Variants in ADA2 observed in about 807,000 individuals in gnomAD.
ADA2 encodes adenosine deaminase CECR1.
ADA2 carries 29 observed loss-of-function variants against 44.2 expected under a neutral mutation model. The ratio of observed to expected loss-of-function variants is 0.66; its 90% CI spans 0.49 to 0.89. ADA2 has a LOEUF of 0.89. Among genes scored for constraint, ADA2 ranks in the 40% least tolerant of loss-of-function variants. The pLI, the probability that ADA2 is intolerant of heterozygous loss-of-function variation, is 0.00. For missense variants in ADA2, 637 were observed against 644.8 expected, an observed-to-expected ratio of 0.99 and a Z score of 0.13; for synonymous variants, 215 against 234.9, an observed-to-expected ratio of 0.92 and a Z score of 0.77.
rs1032447510 is a variant in ADA2, at chr22:17,219,358, C to T, written c.-49G>A. On this transcript the variant is annotated splice_region_variant and 5_prime_UTR_variant, in exon 1 of 10. Coordinates refer to ENST00000399837, the MANE Select transcript of ADA2 (RefSeq NM_001282225.2). ...AGCTCCCAAAGGACCCCAGTTACCT[C>T]GGAACAGCTCCAGAAACTGAGGGCT... 9 of 152,372 alleles carry T rather than the reference C, an allele frequency of 5.9e-5. No individual in the cohort carries two copies. Among genetic ancestry groups the T allele is most frequent in the East Asian group, 1.9e-4 (1 of 5,202 alleles). 9.4% of individuals were successfully genotyped at this position (152,372 alleles called of 1,614,324 possible).
chr22:17,215,116 G>A (rs897004869), intron 1 of ADA2, among the ~76,000 whole-genome samples: 2 of 152,166 alleles, frequency 1.3e-5, no homozygotes, highest in Non-Finnish European at 2.9e-5. Context: ...GGATCAAACC[G>A]CATATGCTAT....
In ADA2 at chr22:17,209,653, G is replaced by T. The variant is rs753994372; in HGVS notation, c.25C>A (p.Arg9=). ...AACAGCAAGAAGCACAGGGCTGGCC[G>T]CTCAGATGGGCCATCCACCAACATC... is the stretch of plus-strand genomic sequence containing the variant. MLVDGPSE[R]PALCFLLLAV... Residue 9 remains arginine, a synonymous_variant, in exon 2 of 10, where the codon CGG becomes AGG. Coordinates refer to ENST00000399837, the MANE Select transcript of ADA2 (RefSeq NM_001282225.2). 2 of 1,612,712 alleles carry T rather than the reference G, an allele frequency of 1.2e-6. No homozygotes were observed. Among genetic ancestry groups the T allele is most frequent in the African/African-American group, 2.7e-5 (2 of 74,908 alleles).
intron 7 of ADA2, among the ~76,000 whole-genome samples, chr22:17,187,693 AAG>A (rs914964707): frequency 2.6e-5 from 4 of 151,618 alleles, no homozygotes; most frequent in Admixed American, 2.6e-4. Flanking sequence ...GAAGAAGAAG[AAG>A]GATTCAAATT....
chr22:17,217,734 G>A (rs1433922947), intron 1 of ADA2, among the ~76,000 whole-genome samples: 2 of 152,116 alleles, frequency 1.3e-5, no homozygotes, highest in African/African-American at 4.8e-5. Context: ...CTTGAACCTG[G>A]GAGGCGGAGG....
rs914839065 is a variant in ADA2 at position 17,209,656 on chromosome 22, C to T, written c.22G>A (p.Glu8Lys). 20 of 1,612,932 alleles carry T rather than the reference C, an allele frequency of 1.2e-5. No homozygotes were observed. The highest frequency in any genetic ancestry group is 1.4e-5 in the Non-Finnish European group (17 of 1,179,620). MLVDGPS[E>K]RPALCFLLLA... ...AGCAAGAAGCACAGGGCTGGCCGCT[C>T]AGATGGGCCATCCACCAACATCGGG... is the stretch of plus-strand genomic sequence containing the variant. The change falls in exon 2 of 10, where the codon GAG (glutamate) becomes AAG (lysine). Residue 8 changes from glutamate to lysine, a missense_variant. By Grantham distance (56) the Glu-to-Lys change is moderately conservative (BLOSUM62 1). Coordinates refer to ENST00000399837, the MANE Select transcript of ADA2 (RefSeq NM_001282225.2).
chr22:17,209,004 G>A (rs146661625), intron 2 of ADA2, among the ~76,000 whole-genome samples: 221 of 151,792 alleles, frequency 1.5e-3, no homozygotes, highest in African/African-American at 5.2e-3. Context: ...TTATATGTGC[G>A]GGATGCTAAT....
chr22:17,205,389 C>T (rs1017110253), intron 3 of ADA2, among the ~76,000 whole-genome samples: 13 of 152,148 alleles, frequency 8.5e-5, no homozygotes, highest in Non-Finnish European at 1.6e-4. Flanking sequence ...GCTAGGATTA[C>T]AGGCATGACC....
chr22:17,216,795 T>TAG (rs1188562159), intron 1 of ADA2, among the ~76,000 whole-genome samples: 20 of 148,540 alleles, frequency 1.3e-4, no homozygotes, highest in Middle Eastern at 3.5e-3. Context: ...CACACATATA[T>TAG]ATAGAGAGAG....
chr22:17,212,930 G>A (rs2062432856), intron 1 of ADA2, among the ~76,000 whole-genome samples: 1 of 149,522 alleles, frequency 6.7e-6, no homozygotes, highest in African/African-American at 2.5e-5. Flanking sequence ...CTGAGTAGCT[G>A]AGTGTAGTAC....
chr22:17,194,256 C>T (rs1438061251), intron 4 of ADA2, among the ~76,000 whole-genome samples: 2 of 152,116 alleles, frequency 1.3e-5, no homozygotes, highest in Non-Finnish European at 2.9e-5. Context: ...AAATGCCCTT[C>T]CTCCTCCCGG....
upstream of ADA2, among the ~76,000 whole-genome samples, chr22:17,220,300 A>G (rs2062513964): frequency 6.6e-6 from 1 of 152,126 alleles, no homozygotes; most frequent in Non-Finnish European, 1.5e-5. Context: ...ACAACGCTCC[A>G]AGGGACAAGT....
At chr22:17,204,985 G>C (rs2062337948) in intron 3 of ADA2, among the ~76,000 whole-genome samples, 1 of 150,692 alleles carries the variant, frequency 6.6e-6, no homozygotes, top group Admixed American at 6.6e-5. Flanking sequence ...TGTTGAGATG[G>C]GGATCTCACT....
At chr22:17,185,308 C>T (rs1365994560) in intron 7 of ADA2, among the ~76,000 whole-genome samples, 4 of 151,104 alleles carry the variant, frequency 2.6e-5, no homozygotes, top group Non-Finnish European at 3.0e-5. Context: ...CCCAGCTACT[C>T]GGGAGGCTGA....
At chr22:17,190,821 C>T (rs79538563) in intron 5 of ADA2, among the ~76,000 whole-genome samples, 2,538 of 152,330 alleles carry the variant, frequency 0.017, 65 homozygotes, top group African/African-American at 0.058. Context: ...GTGGGCCCAT[C>T]CTGCAAGCTC....
Position 17,181,367 on chromosome 22 carries a change from T to C in ADA2, c.*116A>G. 1 of 739,420 alleles carries C rather than the reference T, an allele frequency of 1.4e-6. No individual in the cohort carries two copies. The highest frequency in any genetic ancestry group is 2.5e-6 in the Non-Finnish European group (1 of 407,454). 45.8% of individuals were successfully genotyped at this position (739,420 alleles called of 1,614,324 possible). ...AGCCAGCCAAGTGCTTCTCACAGGG[T>C]CGCTCCATACAGAGGCCATTGATTT... On this transcript the variant is annotated 3_prime_UTR_variant, in exon 10 of 10. Coordinates refer to ENST00000399837, the MANE Select transcript of ADA2 (RefSeq NM_001282225.2).
At chr22:17,203,851 C>A in intron 3 of ADA2, 78 bp from the exon 4 acceptor site, 1 of 868,624 alleles carries the variant, frequency 1.2e-6, no homozygotes, top group East Asian at 2.6e-5. Context: ...GACTGCTACC[C>A]ACCTTGCATA....
chr22:17,206,130 A>T (rs756223400), intron 3 of ADA2, among the ~76,000 whole-genome samples: 41 of 152,158 alleles, frequency 2.7e-4, no homozygotes, highest in Non-Finnish European at 4.4e-4. Context: ...CTCTGGTTTT[A>T]TTGAGCATCA....
intron 8 of ADA2, among the ~76,000 whole-genome samples, chr22:17,182,368 T>C (rs2123603261): frequency 6.6e-6 from 1 of 152,290 alleles, no homozygotes; most frequent in South Asian, 2.1e-4. Flanking sequence ...TTTTGCTTTG[T>C]CTACAGTCTT....
intron 7 of ADA2, among the ~76,000 whole-genome samples, chr22:17,183,773 A>C (rs1201148588): frequency 1.3e-5 from 2 of 151,446 alleles, no homozygotes; most frequent in African/African-American, 2.4e-5. Context: ...TGGGACTCTT[A>C]TGCTTATGAT....
Sources: allele counts gnomAD v4.1 joint callset (sites outside exome capture counted in the v4.1 genomes callset), GRCh38; gene constraint gnomAD v4.1.1; transcripts MANE v1.5; gene names NCBI Gene and HGNC (gene_info 2026-07-23, HGNC 2026-07-21).